Variants in FHOD3 observed in about 807,000 individuals in gnomAD.
FHOD3 encodes the protein FH1/FH2 domain-containing protein 3.
Under a neutral mutation model 173.0 loss-of-function variants are expected in FHOD3, and 90 were observed. That is an observed-to-expected ratio of 0.52 (90% confidence interval 0.44 to 0.62). The LOEUF (loss-of-function observed/expected upper bound fraction) is 0.62, where lower values mean the gene tolerates loss of function less well. Among genes scored for constraint, FHOD3 ranks in the 20% least tolerant of loss-of-function variants. FHOD3 has a pLI of 0.00. For missense variants in FHOD3, 1,945 were observed against 2,034.7 expected, an observed-to-expected ratio of 0.96 and a Z score of 0.85; for synonymous variants, 828 against 823.0, an observed-to-expected ratio of 1.01 and a Z score of -0.10.
chr18:36,325,527 T>C (rs1465063970), intron 1 of FHOD3, among the ~76,000 whole-genome samples: 2 of 152,184 alleles, frequency 1.3e-5, no homozygotes, highest in Admixed American at 1.3e-4. Context: ...CTGAGGAGCC[T>C]GAGGACCAGG....
intron 10 of FHOD3, among the ~76,000 whole-genome samples, chr18:36,631,958 T>C (rs1019763578): frequency 6.6e-6 from 1 of 152,214 alleles, no homozygotes; most frequent in Non-Finnish European, 1.5e-5. Flanking sequence ...TATATAGATA[T>C]ACCATAATAC....
intron 3 of FHOD3, among the ~76,000 whole-genome samples, chr18:36,461,491 C>T (rs1041933040): frequency 1.3e-5 from 2 of 151,100 alleles, no homozygotes; most frequent in Admixed American, 1.3e-4. Context: ...TTTGAATTTA[C>T]CCTCTTTGCC....
At chr18:36,692,365 C>T (rs1371916994) in intron 16 of FHOD3, among the ~76,000 whole-genome samples, 1 of 152,112 alleles carries the variant, frequency 6.6e-6, no homozygotes, top group African/African-American at 2.4e-5. Flanking sequence ...AGTAAGAAAC[C>T]TGTTACAGCT....
At chr18:36,448,673 C>G (rs189140873) in intron 3 of FHOD3, among the ~76,000 whole-genome samples, 170 of 152,324 alleles carry the variant, frequency 1.1e-3, no homozygotes, top group African/African-American at 4.1e-3. Context: ...TCAAATTACT[C>G]TTCCTCCTTC....
At chr18:36,531,486 C>T (rs2056778008) in intron 5 of FHOD3, among the ~76,000 whole-genome samples, 1 of 152,184 alleles carries the variant, frequency 6.6e-6, no homozygotes, top group African/African-American at 2.4e-5. Context: ...CTGAGCTGCC[C>T]CTCCATGTTC....
At chr18:36,685,161 A>C (rs1253224042) in intron 15 of FHOD3, among the ~76,000 whole-genome samples, 1 of 152,206 alleles carries the variant, frequency 6.6e-6, no homozygotes, top group Non-Finnish European at 1.5e-5. Context: ...GCAGAGTAAG[A>C]ATTAGGCCTG....
intron 5 of FHOD3, among the ~76,000 whole-genome samples, chr18:36,559,176 G>A (rs2058001436): frequency 6.6e-6 from 1 of 152,098 alleles, no homozygotes; most frequent in Non-Finnish European, 1.5e-5. Flanking sequence ...GCTTATTCAG[G>A]TTTTCAGGGC....
chr18:36,488,356 T>A, intron 3 of FHOD3, among the ~76,000 whole-genome samples: 1 of 152,306 alleles, frequency 6.6e-6, no homozygotes, highest in South Asian at 2.1e-4. Context: ...TCAACTGGCA[T>A]TGACCCCGGG....
Position 36,780,158 on chromosome 18 carries a change from C to G in FHOD3, c.*628C>G. The G allele has an allele frequency of 8.1e-7, 1 of 1,231,936 alleles. No individual in the cohort carries two copies. The highest frequency in any genetic ancestry group is 1.0e-6 in the Non-Finnish European group (1 of 988,024). 76.3% of individuals were successfully genotyped at this position (1,231,936 alleles called of 1,614,324 possible). ...TCTTCTCAGTGTCCTCAGAAGCACC[C>G]TCGCTTGGAACGGCCTTCAGATCCT... On this transcript the variant is annotated 3_prime_UTR_variant, in exon 29 of 29. Transcript: ENST00000590592.
chr18:36,442,357 A>G (rs1295714722), intron 3 of FHOD3, among the ~76,000 whole-genome samples: 1 of 152,196 alleles, frequency 6.6e-6, no homozygotes, highest in African/African-American at 2.4e-5. Flanking sequence ...ATTTAGCTCA[A>G]AACTAGTGGA....
intron 14 of FHOD3, among the ~76,000 whole-genome samples, chr18:36,663,605 G>A (rs1044261976): frequency 4.6e-5 from 7 of 152,346 alleles, no homozygotes; most frequent in Non-Finnish European, 1.0e-4. Context: ...AGCCTTCTGT[G>A]CTTCTGTGGT....
At position 36,681,616 on chromosome 18, in the gene FHOD3, A is replaced by C. The variant is rs771809219; in HGVS notation, c.1970+46A>C. The C allele has an allele frequency of 1.5e-5, 23 of 1,524,054 alleles. 2 individuals are homozygous for C. In the South Asian group the frequency reaches 2.6e-4, roughly 17 times the overall value. The allele number at this position is 1,524,054 out of a possible 1,614,324, so 94.4% of individuals were successfully genotyped here. A position where few individuals can be genotyped will look rare whatever the true frequency, so the allele number is the denominator to read the frequency against. ...TTTTTTAAATAGTGAGTTAAAAATTAAAGGCATGTGACTTTACAACTGTAT... is the reference window on the plus strand; with the variant it reads ...TTTTTTAAATAGTGAGTTAAAAATTCAAGGCATGTGACTTTACAACTGTAT... On this transcript the variant is annotated intron_variant, in intron 15 of 28. Coordinates refer to ENST00000590592, the MANE Select transcript of FHOD3 (RefSeq NM_001281740.3).
chr18:36,745,274 A>C (rs1001833559), intron 23 of FHOD3, among the ~76,000 whole-genome samples: 1 of 152,162 alleles, frequency 6.6e-6, no homozygotes. Flanking sequence ...TCTAAGCCTC[A>C]TTGTATCATG....
intron 2 of FHOD3, among the ~76,000 whole-genome samples, chr18:36,356,445 G>A (rs1055576003): frequency 5.3e-5 from 8 of 152,128 alleles, no homozygotes; most frequent in African/African-American, 1.9e-4. Flanking sequence ...ATATTTATTA[G>A]ATTACTGAAA....
chr18:36,649,489 C>T lies in FHOD3; in HGVS notation c.1286+84C>T, dbSNP rs958289371. On this transcript the variant is annotated intron_variant, in intron 11 of 28. Coordinates refer to ENST00000590592, the MANE Select transcript of FHOD3 (RefSeq NM_001281740.3). Reference sequence around the variant, plus strand: ...ATAGTTCACTGCCTTCTAGTGGCCACCTCCCTTCCTCATTGACTCCCACTT... The same window carrying T: ...ATAGTTCACTGCCTTCTAGTGGCCATCTCCCTTCCTCATTGACTCCCACTT... 6.9e-6 allele frequency: 7 copies of T among 1,013,754 alleles called. No homozygotes were observed. The African/African-American group carries it at 9.8e-5, about 14-fold the overall frequency. The allele number at this position is 1,013,754 out of a possible 1,614,324, so 62.8% of individuals were successfully genotyped here.
intron 1 of FHOD3, among the ~76,000 whole-genome samples, chr18:36,321,856 G>A (rs1446756818): frequency 1.3e-5 from 2 of 152,330 alleles, no homozygotes; most frequent in South Asian, 2.1e-4. Context: ...TCACTCTGCC[G>A]AGTCCTGTGA....
chr18:36,762,909 AC>A (rs1049113346), intron 27 of FHOD3, among the ~76,000 whole-genome samples: 105 of 147,382 alleles, frequency 7.1e-4, no homozygotes, highest in African/African-American at 2.5e-3. Flanking sequence ...TGTATTATAC[AC>A]GTTATATATG....
At chr18:36,501,813 A>G (rs1298782023) in intron 3 of FHOD3, 119 bp from the exon 4 acceptor site, 2 of 672,822 alleles carry the variant, frequency 3.0e-6, no homozygotes, top group African/African-American at 3.7e-5. Flanking sequence ...TCCTGAATGA[A>G]ATGAATAGGC....
Position 36,444,044 on chromosome 18 carries a change from T to A in FHOD3, c.338-57888T>A, listed in dbSNP as rs535712251. Among the ~76,000 whole-genome samples, 289 of 152,038 alleles carry A rather than the reference T, an allele frequency of 1.9e-3. 3 individuals carry two copies. The highest frequency in any genetic ancestry group is 6.6e-3 in the African/African-American group (272 of 41,472). ...CCGTCTCTACTAAAAATACAAAAAA[T>A]TAGCCGGGGGCAGTGGCGGGCGCCT... On this transcript the variant is annotated intron_variant, in intron 3 of 28. Coordinates refer to ENST00000590592, the MANE Select transcript of FHOD3 (RefSeq NM_001281740.3).
Sources: gnomAD v4.1 joint callset for allele counts (sites outside exome capture counted in the v4.1 genomes callset) on GRCh38, gnomAD v4.1.1 for gene constraint, MANE v1.5 for transcripts, NCBI Gene and HGNC (gene_info 2026-07-23, HGNC 2026-07-21) for gene names.